CSAD: variants seen among roughly 807,000 people sequenced by gnomAD.
CSAD encodes the protein cysteine sulfinic acid decarboxylase.
In CSAD, 47 loss-of-function variants were observed where a neutral mutation model predicts 61.5. The ratio of observed to expected loss-of-function variants is 0.76; its 90% confidence interval spans 0.60 to 0.97. The LOEUF (loss-of-function observed/expected upper bound fraction) is 0.97. CSAD is among the 50% of genes least tolerant of loss of function. CSAD has a pLI of 0.00. For synonymous variants in CSAD, 245 were observed against 252.7 expected, an observed-to-expected ratio of 0.97 and a Z score of 0.29; for missense variants, 611 against 643.6, an observed-to-expected ratio of 0.95 and a Z score of 0.55.
intron 10 of CSAD, among the ~76,000 whole-genome samples, chr12:53,167,328 C>A (rs1178614822): frequency 2.0e-5 from 3 of 152,146 alleles, no homozygotes. Flanking sequence ...TCTTGTCTAC[C>A]CAAAGGGGCA....
chr12:53,171,382 A>G lies in CSAD; in HGVS notation c.511T>C (p.Cys171Arg), dbSNP rs2121512981. The G allele has an allele frequency of 1.2e-6, 2 of 1,614,030 alleles. No homozygotes were observed. The highest frequency in any genetic ancestry group is 1.3e-5 in the African/African-American group (1 of 75,058). ...AGTGTGCGGAGGCCCCTCTGCTTGC[A>G]ATCCGGGTAGCGCTGATAGCGGGCC... ...NLARYQRYPDCKQRGLRTLPP... is the reference protein window; with the variant it reads ...NLARYQRYPDRKQRGLRTLPP... The change falls in exon 8 of 17, where the codon TGC becomes CGC. Residue 171 changes from cysteine (C) to arginine (R), a missense_variant. By Grantham distance (180) the Cys-to-Arg change is radical (BLOSUM62 -3). Transcript: ENST00000444623.
intron 9 of CSAD, 90 bp downstream of exon 9, chr12:53,170,333 C>T (rs1315901824): frequency 5.0e-6 from 6 of 1,205,006 alleles, no homozygotes; most frequent in Middle Eastern, 1.9e-4. Context: ...GGTCCACCAG[C>T]GGTAAGGGTC....
At chr12:53,170,892 T>C in intron 8 of CSAD, 2 of 369,794 alleles carry the variant, frequency 5.4e-6, no homozygotes, top group East Asian at 7.0e-5. Context: ...GGCTAATTTT[T>C]TGTATTTTAG....
rs910849411 is a variant in CSAD, at chr12:53,158,014, T to C, written c.*497A>G. The C allele has an allele frequency of 2.6e-5, 4 of 152,200 alleles. No individual in the cohort carries two copies. The highest frequency in any genetic ancestry group is 9.7e-5 in the African/African-American group (4 of 41,402). 9.4% of individuals were successfully genotyped at this position (152,200 alleles called of 1,614,324 possible). A position where few individuals can be genotyped will look rare whatever the true frequency, so the allele number is the denominator to read the frequency against. On this transcript the variant is annotated 3_prime_UTR_variant, in exon 17 of 17. Transcript: ENST00000444623. ...ACAAAATTTTAATGGCAAAATAACA[T>C]TTCATCATATAGACATACTGTAATT...
intron 10 of CSAD, among the ~76,000 whole-genome samples, chr12:53,163,756 T>G (rs1939576437): frequency 6.6e-6 from 1 of 152,194 alleles, no homozygotes; most frequent in South Asian, 2.1e-4. Context: ...ATGGACAAGC[T>G]GATCTTAAAT....
At position 53,171,323 on chromosome 12, in the gene CSAD, C is replaced by A. The variant is rs766770479; in HGVS notation, c.567+3G>T. 5.1e-5 allele frequency: 82 copies of A among 1,613,918 alleles called. No individual in the cohort carries two copies. The highest frequency in any genetic ancestry group is 6.9e-5 in the Non-Finnish European group (81 of 1,180,046). ...CAGGGTTGGGCCTGTGCCTCTTCCC[C>A]ACCTCCTTCGATGTGAATAGGGCCA... On this transcript the variant is annotated splice_donor_region_variant and intron_variant, in intron 8 of 16. Transcript: ENST00000444623.
intron 10 of CSAD, 107 bp from the exon 11 acceptor site, chr12:53,161,496 T>A: frequency 1.2e-6 from 1 of 817,752 alleles, no homozygotes; most frequent in East Asian, 2.5e-5. Flanking sequence ...AAATGGCCCA[T>A]TTCAACCTCA....
At chr12:53,171,607 C>T (rs1940588680) in intron 7 of CSAD, 166 bp from the exon 8 acceptor site, 2 of 697,882 alleles carry the variant, frequency 2.9e-6, no homozygotes, top group African/African-American at 3.6e-5. Flanking sequence ...CCAGGATCAG[C>T]AGATCCTCTT....
chr12:53,158,391 C>T lies in CSAD; in HGVS notation c.*120G>A. 9.6e-7 allele frequency: 1 copy of T among 1,046,274 alleles called. No individual in the cohort carries two copies. Among genetic ancestry groups the T allele is most frequent in the Non-Finnish European group, 1.4e-6 (1 of 720,190 alleles). 64.8% of individuals were successfully genotyped at this position (1,046,274 alleles called of 1,614,324 possible). Reference sequence around the variant, plus strand: ...CCTCAAGTGATCCACCCGCCTCGGCCTCCCAAAGTGCTGGGATTACAGGCG... The same window carrying T: ...CCTCAAGTGATCCACCCGCCTCGGCTTCCCAAAGTGCTGGGATTACAGGCG... On this transcript the variant is annotated 3_prime_UTR_variant, in exon 17 of 17. Coordinates refer to ENST00000444623, the MANE Select transcript of CSAD (RefSeq NM_001244705.2).
rs1259825361 is a variant in CSAD at position 53,158,639 on chromosome 12, T to C, written c.1354A>G (p.Met452Val). Residue 452 changes from methionine (M) to valine (V), a missense_variant, in exon 17 of 17, where the codon ATG (methionine) becomes GTG (valine). Met to Val is a conservative substitution (Grantham distance 21). Coordinates refer to ENST00000444623, the MANE Select transcript of CSAD (RefSeq NM_001244705.2). ...GTCCCGTGGGGCTGGTAGCCAATCA[T>C]CATGGAGCCCTCCTTCACCATGCGC... ...KERMVKEGSM[M>V]IGYQPHGTRG... The C allele has an allele frequency of 6.2e-7, 1 of 1,614,074 alleles. No individual in the cohort carries two copies. Among genetic ancestry groups the C allele is most frequent in the Non-Finnish European group, 8.5e-7 (1 of 1,180,040 alleles).
intron 6 of CSAD, 27 bp downstream of exon 6, chr12:53,172,319 A>G: frequency 1.3e-6 from 2 of 1,597,666 alleles, no homozygotes; most frequent in Non-Finnish European, 1.7e-6. Context: ...CCTTTGTGGG[A>G]TGGTAGAGGG....
chr12:53,159,728 A>G lies in CSAD; in HGVS notation c.1219-16T>C, dbSNP rs370928241. On this transcript the variant is annotated splice_polypyrimidine_tract_variant and intron_variant, in intron 15 of 16. Coordinates refer to ENST00000444623, the MANE Select transcript of CSAD (RefSeq NM_001244705.2). Reference sequence around the variant, plus strand: ...CAAACTCAGGCTGAGAGGAATGAGAAAGAGGAAGGTGTGAGCTGAGAAAGG... The same window carrying G: ...CAAACTCAGGCTGAGAGGAATGAGAGAGAGGAAGGTGTGAGCTGAGAAAGG... 32 of 1,599,504 alleles carry G rather than the reference A, an allele frequency of 2.0e-5. No homozygotes were observed. The African/African-American group carries it at 3.5e-4, about 17-fold the overall frequency.
intron 6 of CSAD, 98 bp downstream of exon 6, chr12:53,172,246 TAG>T: frequency 9.0e-7 from 1 of 1,106,930 alleles, no homozygotes; most frequent in Non-Finnish European, 1.4e-6. Flanking sequence ...CCAGAAGCAG[TAG>T]AGAGAGGGCA....
At chr12:53,160,031 G>C in intron 14 of CSAD, 89 bp downstream of exon 14, 1 of 1,602,528 alleles carries the variant, frequency 6.2e-7, no homozygotes, top group Non-Finnish European at 8.5e-7. Flanking sequence ...GAGAGACCGA[G>C]AGAAAAGTAA....
intron 1 of CSAD, chr12:53,179,804 G>A (rs1164104665): frequency 6.2e-7 from 1 of 1,613,188 alleles, no homozygotes. Context: ...CAGTGGAATT[G>A]ACATCTCCTT....
intron 10 of CSAD, among the ~76,000 whole-genome samples, chr12:53,167,919 T>C (rs1940112493): frequency 6.6e-6 from 1 of 152,206 alleles, no homozygotes; most frequent in Non-Finnish European, 1.5e-5. Context: ...CACAAAAATC[T>C]GTATACAAAT....
chr12:53,163,947 C>T (rs962511499), intron 10 of CSAD, among the ~76,000 whole-genome samples: 3 of 152,160 alleles, frequency 2.0e-5, no homozygotes, highest in Non-Finnish European at 4.4e-5. Context: ...CCAGAAATAA[C>T]CCTCACATTT....
chr12:53,179,002 T>C (rs1008663541), intron 2 of CSAD, 100 bp downstream of exon 2: 3 of 152,158 alleles, frequency 2.0e-5, no homozygotes, highest in Non-Finnish European at 2.9e-5. Context: ...TACAGGCATG[T>C]GCCACCACGC....
intron 2 of CSAD, among the ~76,000 whole-genome samples, chr12:53,175,132 T>C (rs920739758): frequency 1.3e-5 from 2 of 151,994 alleles, no homozygotes; most frequent in African/African-American, 2.4e-5. Flanking sequence ...GACCTGCATG[T>C]AAAATAAAGG....
Sources: gnomAD v4.1 joint callset for allele counts (sites outside exome capture counted in the v4.1 genomes callset) on GRCh38, gnomAD v4.1.1 for gene constraint, MANE v1.5 for transcripts, NCBI Gene and HGNC (gene_info 2026-07-23, HGNC 2026-07-21) for gene names.